IL18RAP: variants seen among roughly 807,000 people sequenced by gnomAD.
IL18RAP encodes the protein interleukin 18 receptor accessory protein.
In IL18RAP, 37 loss-of-function variants were observed where a neutral mutation model predicts 58.1. The observed-to-expected ratio is 0.64, with a 90% CI of 0.49 to 0.84. The LOEUF (loss-of-function observed/expected upper bound fraction) is 0.84. Among genes scored for constraint, IL18RAP ranks in the 40% least tolerant of loss-of-function variants. IL18RAP has a pLI of 0.00. For missense variants in IL18RAP, 667 were observed against 704.8 expected, an observed-to-expected ratio of 0.95 and a Z score of 0.61; for synonymous variants, 268 against 257.5, an observed-to-expected ratio of 1.04 and a Z score of -0.39.
chr2:102,432,721 G>A (rs909401341), intron 3 of IL18RAP, among the ~76,000 whole-genome samples: 1 of 152,214 alleles, frequency 6.6e-6, no homozygotes, highest in Non-Finnish European at 1.5e-5. Context: ...ACCTGCCTTT[G>A]CCTCCTGGCC....
chr2:102,443,355 G>T, intron 6 of IL18RAP, 32 bp downstream of exon 6: 1 of 1,605,610 alleles, frequency 6.2e-7, no homozygotes, highest in Non-Finnish European at 8.5e-7. Context: ...TCTGTTCTCT[G>T]CAATTCAGAA....
chr2:102,430,403 A>G (rs1471382513), intron 3 of IL18RAP, among the ~76,000 whole-genome samples: 1 of 151,892 alleles, frequency 6.6e-6, no homozygotes. Context: ...TTTGGTTTGT[A>G]TGGAATATCT....
rs1683781413 is a variant in IL18RAP at position 102,451,762 on chromosome 2, C to A, written c.1385-4C>A. On this transcript the variant is annotated splice_region_variant and splice_polypyrimidine_tract_variant and intron_variant, in intron 9 of 9. Coordinates refer to ENST00000687160, the MANE Select transcript of IL18RAP (RefSeq NM_001393487.1). The stretch of plus-strand genomic sequence containing the variant: ...TTGCAAATAATCAAATGTTTTATTT[C>A]CAGTGTATGCAGAAGACATTGTGAG... The A allele has an allele frequency of 6.3e-7, 1 of 1,593,720 alleles. No individual in the cohort carries two copies. The highest frequency in any genetic ancestry group is 8.6e-7 in the Non-Finnish European group (1 of 1,168,028).
intron 6 of IL18RAP, 83 bp downstream of exon 6, chr2:102,443,406 G>T: frequency 6.7e-7 from 1 of 1,487,726 alleles, no homozygotes; most frequent in African/African-American, 1.4e-5. Context: ...GTATACAGTT[G>T]ATGGTGTAGC....
chr2:102,451,055 A>C (rs2104390929), intron 9 of IL18RAP, 34 bp downstream of exon 9: 2 of 1,540,748 alleles, frequency 1.3e-6, no homozygotes, highest in East Asian at 4.6e-5. Flanking sequence ...ACTGCAGTGC[A>C]AAAAGGGCAG....
Position 102,423,930 on chromosome 2 carries a change from C to T in IL18RAP, c.190C>T (p.Pro64Ser). The T allele has an allele frequency of 6.2e-7, 1 of 1,613,998 alleles. No individual in the cohort carries two copies. Among genetic ancestry groups the T allele is most frequent in the Non-Finnish European group, 8.5e-7 (1 of 1,179,972 alleles). ...TTTCTGCCACAGAAATCGACTCTCA[C>T]CAAAACAAGTCCCTGAGCACCTGCC... ...SHFCHRNRLS[P>S]KQVPEHLPFM... The change falls in exon 2 of 10, where the codon CCA becomes TCA. Residue 64 changes from proline to serine, a missense_variant. Pro to Ser is a moderately conservative substitution (Grantham distance 74). Coordinates refer to ENST00000687160, the MANE Select transcript of IL18RAP (RefSeq NM_001393487.1).
Position 102,432,102 on chromosome 2 carries a change from T to C in IL18RAP, c.580-5110T>C, listed in dbSNP as rs982252221. Among the ~76,000 whole-genome samples, 4 of 152,254 alleles carry C rather than the reference T, an allele frequency of 2.6e-5. No homozygotes were observed. The East Asian group carries it at 7.8e-4, about 30-fold the overall frequency. On this transcript the variant is annotated intron_variant, in intron 3 of 9. Coordinates refer to ENST00000687160, the MANE Select transcript of IL18RAP (RefSeq NM_001393487.1). Reference sequence around the variant, plus strand: ...GGTAGCAGACCTTCACTATGTAGTCTAGCCTGGGATTCCAGGTGGGCTAGT... The same window carrying C: ...GGTAGCAGACCTTCACTATGTAGTCCAGCCTGGGATTCCAGGTGGGCTAGT...
At chr2:102,449,477 T>TA (rs2104387072) in intron 8 of IL18RAP, among the ~76,000 whole-genome samples, 1 of 152,358 alleles carries the variant, frequency 6.6e-6, no homozygotes, top group Admixed American at 6.5e-5. Context: ...GGGAAACATT[T>TA]ACTTGTGTCC....
chr2:102,452,194 A>C lies in IL18RAP; in HGVS notation c.*13A>C. ...TAAGGAATGGTGAAATGAGCCCTGG[A>C]GCCCCCTCCAGTCCAGTCCCTGGGA... On this transcript the variant is annotated 3_prime_UTR_variant, in exon 10 of 10. Transcript: ENST00000687160. The C allele has an allele frequency of 6.3e-7, 1 of 1,583,112 alleles. No individual in the cohort carries two copies.
At chr2:102,448,523 G>A (rs1470624248) in intron 8 of IL18RAP, among the ~76,000 whole-genome samples, 3 of 152,094 alleles carry the variant, frequency 2.0e-5, no homozygotes, top group Non-Finnish European at 2.9e-5. Flanking sequence ...TCTGTTGCTT[G>A]GAAAAAGCAG....
intron 4 of IL18RAP, among the ~76,000 whole-genome samples, chr2:102,437,720 T>A (rs1483233388): frequency 6.6e-6 from 1 of 152,224 alleles, no homozygotes; most frequent in Non-Finnish European, 1.5e-5. Context: ...ATCATAATTT[T>A]TTTTCTTTAA....
At chr2:102,438,096 G>A (rs2058659) in intron 4 of IL18RAP, among the ~76,000 whole-genome samples, 78,501 of 152,000 alleles carry the variant, frequency 0.52, 21,669 homozygotes, top group African/African-American at 0.67. Context: ...TGACTAATAT[G>A]AGGTTGAACA....
chr2:102,447,274 G>C lies in IL18RAP; in HGVS notation c.1210+67G>C, dbSNP rs1262660670. Reference sequence around the variant, plus strand: ...GGAATTGACTTGGAGCAGGACAACAGAAAATACCATCACTACCCCTTGGCT... The same window carrying C: ...GGAATTGACTTGGAGCAGGACAACACAAAATACCATCACTACCCCTTGGCT... On this transcript the variant is annotated intron_variant, in intron 8 of 9. Transcript: ENST00000687160. The C allele has an allele frequency of 5.8e-6, 9 of 1,540,908 alleles. No homozygotes were observed. In the Admixed American group the frequency reaches 1.6e-4, roughly 28 times the overall value.
chr2:102,420,245 T>A (rs1022489822), upstream of IL18RAP, among the ~76,000 whole-genome samples: 1 of 152,210 alleles, frequency 6.6e-6, no homozygotes, highest in Non-Finnish European at 1.5e-5. Context: ...TGCTTATCCC[T>A]GAGCAGGGTT....
chr2:102,451,481 C>T (rs939675354), intron 9 of IL18RAP, among the ~76,000 whole-genome samples: 5 of 152,210 alleles, frequency 3.3e-5, no homozygotes, highest in Non-Finnish European at 2.9e-5. Context: ...ACCAAGGAGC[C>T]TGGGATGTTC....
chr2:102,451,867 G>A lies in IL18RAP; in HGVS notation c.1486G>A (p.Ala496Thr). 1 of 1,614,168 alleles carries A rather than the reference G, an allele frequency of 6.2e-7. No individual in the cohort carries two copies. Among genetic ancestry groups the A allele is most frequent in the Non-Finnish European group, 8.5e-7 (1 of 1,180,012 alleles). Residue 496 changes from alanine (A) to threonine (T), a missense_variant, in exon 10 of 10, where the codon GCA (alanine) becomes ACA (threonine). Coordinates refer to ENST00000687160, the MANE Select transcript of IL18RAP (RefSeq NM_001393487.1). ...TGGACCCAGTATCTTTGAACTACAA[G>A]CAGCAGTGAATCTTGCCTTGGATGA... ...VNGPSIFELQ[A>T]AVNLALDDQT...
chr2:102,445,639 T>C (rs1683367967), intron 7 of IL18RAP, among the ~76,000 whole-genome samples: 1 of 152,216 alleles, frequency 6.6e-6, no homozygotes, highest in South Asian at 2.1e-4. Flanking sequence ...CTACAATAGC[T>C]ATGGGGTATG....
chr2:102,427,508 C>T (rs913397122), intron 3 of IL18RAP, among the ~76,000 whole-genome samples: 1 of 152,064 alleles, frequency 6.6e-6, no homozygotes, highest in Non-Finnish European at 1.5e-5. Context: ...TGGCCATTTG[C>T]ATCCTTTCTT....
intron 8 of IL18RAP, among the ~76,000 whole-genome samples, chr2:102,447,985 C>T (rs1017893237): frequency 5.3e-5 from 8 of 152,240 alleles, no homozygotes; most frequent in Non-Finnish European, 8.8e-5. Context: ...CCGTCCGCCT[C>T]GGCCTCCCAA....
Sources: gnomAD v4.1 joint callset for allele counts (sites outside exome capture counted in the v4.1 genomes callset) on GRCh38, gnomAD v4.1.1 for gene constraint, MANE v1.5 for transcripts, NCBI Gene and HGNC (gene_info 2026-07-23, HGNC 2026-07-21) for gene names.